Variants in CLIP2 observed in about 807,000 individuals in gnomAD.
The protein encoded by CLIP2 is CAP-Gly domain containing linker protein 2.
In CLIP2, 41 loss-of-function variants were observed where a neutral mutation model predicts 111.7. The ratio of observed to expected loss-of-function variants is 0.37; its 90% CI spans 0.29 to 0.48. The LOEUF is 0.48. CLIP2 is among the 20% of genes least tolerant of loss of function. CLIP2 has a pLI of 0.99. For synonymous variants in CLIP2, 660 were observed against 644.2 expected (o/e 1.02, Z -0.37); for missense variants, 1,160 against 1,422.1 (o/e 0.82, Z 2.96).
intron 16 of CLIP2, among the ~76,000 whole-genome samples, chr7:74,403,499 T>C (rs1244088679): frequency 6.6e-6 from 1 of 151,424 alleles, no homozygotes; most frequent in African/African-American, 2.4e-5. Flanking sequence ...AACCAGGGAG[T>C]CGAAGGTTGC....
chr7:74,302,611 T>C (rs782255171), intron 1 of CLIP2, among the ~76,000 whole-genome samples: 10 of 152,202 alleles, frequency 6.6e-5, no homozygotes, highest in Non-Finnish European at 1.5e-4. Flanking sequence ...CAGCTGCAGG[T>C]GCCAGAGAAG....
chr7:74,391,372 A>G (rs1267858795), intron 13 of CLIP2, among the ~76,000 whole-genome samples: 1 of 152,202 alleles, frequency 6.6e-6, no homozygotes, highest in Non-Finnish European at 1.5e-5. Context: ...TATTACAAAA[A>G]TAGTTTTGAG....
intron 1 of CLIP2, among the ~76,000 whole-genome samples, chr7:74,303,560 A>T (rs1788394727): frequency 6.7e-6 from 1 of 148,330 alleles, no homozygotes; most frequent in South Asian, 2.1e-4. Flanking sequence ...TGCAGTGGAG[A>T]TAATGTTTCC....
At chr7:74,308,318 T>G (rs1788550498) in intron 1 of CLIP2, among the ~76,000 whole-genome samples, 2 of 152,076 alleles carry the variant, frequency 1.3e-5, no homozygotes, top group East Asian at 3.9e-4. Context: ...TCAGAGGGGA[T>G]GCTGGCTGGT....
At position 74,376,592 on chromosome 7, in the gene CLIP2, C is replaced by T. The variant is rs782144848; in HGVS notation, c.2191C>T (p.Arg731Cys). ...AQDQRRDAEL[R>C]VHELEKLDVE... ...GGACCAGCGCCGGGATGCCGAGCTG[C>T]GTGTGCACGAGCTGGAAAAACTGGA... Residue 731 changes from arginine to cysteine, a missense_variant, in exon 10 of 17, where the codon CGT becomes TGT. By Grantham distance (180) the Arg-to-Cys change is radical (BLOSUM62 -3). Around this residue, in one of 5 missense-constraint regions of CLIP2, gnomAD observed 676 missense variants for 777.8 expected, o/e 0.87. Coordinates refer to ENST00000223398, the MANE Select transcript of CLIP2 (RefSeq NM_003388.5). This position sits in a 1 kb window ranked among gnomAD's most constrained non-coding sequence, Gnocchi z 7.1. 9 of 1,612,146 alleles carry T rather than the reference C, an allele frequency of 5.6e-6. No individual in the cohort carries two copies. Among genetic ancestry groups the T allele is most frequent in the African/African-American group, 5.3e-5 (4 of 74,914 alleles).
chr7:74,376,795 G>C lies in CLIP2; in HGVS notation c.2394G>C (p.Glu798Asp). The change falls in exon 10 of 17, where the codon GAG (glutamate) becomes GAC (aspartate). Residue 798 changes from glutamate to aspartate, a missense_variant. This residue lies in a region of CLIP2 where 676 missense variants were observed against 777.8 expected (regional missense o/e 0.87). Transcript: ENST00000223398. This position sits in a 1 kb window ranked among gnomAD's most constrained non-coding sequence, Gnocchi z 7.1. ...LVAENRLQAV[E>D]ALCSSQHTHM... ...CTGAGAACAGACTCCAGGCGGTCGA[G>C]GCCCTGTGCTCCTCCCAGCACACCC... The C allele has an allele frequency of 6.2e-7, 1 of 1,604,898 alleles. No individual in the cohort carries two copies. The highest frequency in any genetic ancestry group is 8.5e-7 in the Non-Finnish European group (1 of 1,176,518).
At chr7:74,397,549 C>A (rs540537110) in intron 14 of CLIP2, among the ~76,000 whole-genome samples, 1 of 152,018 alleles carries the variant, frequency 6.6e-6, no homozygotes, top group Non-Finnish European at 1.5e-5. Context: ...TAATCAACCA[C>A]AAGCCAGTTC....
chr7:74,313,690 A>C lies in CLIP2; in HGVS notation c.-67-3790A>C, dbSNP rs567745297. On this transcript the variant is annotated intron_variant, in intron 1 of 16. Coordinates refer to ENST00000223398, the MANE Select transcript of CLIP2 (RefSeq NM_003388.5). ...TGGCAGGCTCTCCCATGCGGTAACC[A>C]GGATGGCCCCTGCAGCTTCTGGCTT... Among the ~76,000 whole-genome samples the C allele has an allele frequency of 2.9e-5, 3 of 103,434 alleles. No homozygotes were observed. In the South Asian group the frequency reaches 9.3e-4, roughly 32 times the overall value. 67.9% of individuals were successfully genotyped at this position (103,434 alleles called of 152,430 possible).
intron 14 of CLIP2, among the ~76,000 whole-genome samples, chr7:74,398,960 C>T (rs1438402784): frequency 6.6e-6 from 1 of 152,240 alleles, no homozygotes; most frequent in Non-Finnish European, 1.5e-5. Context: ...GTGGCGGCCT[C>T]TGCCCCAGGG....
intron 2 of CLIP2, among the ~76,000 whole-genome samples, chr7:74,332,709 A>G (rs1366070824): frequency 6.6e-6 from 1 of 152,070 alleles, no homozygotes; most frequent in East Asian, 1.9e-4. Flanking sequence ...CCACACCCAC[A>G]TCATTCGAGG....
intron 3 of CLIP2, among the ~76,000 whole-genome samples, chr7:74,351,617 C>T (rs1169601222): frequency 1.3e-5 from 2 of 151,944 alleles, no homozygotes; most frequent in Non-Finnish European, 2.9e-5. Flanking sequence ...GGGCAGATCA[C>T]CTGAGGTCAG....
intron 13 of CLIP2, among the ~76,000 whole-genome samples, chr7:74,390,600 C>T (rs1243816113): frequency 1.3e-5 from 2 of 151,954 alleles, no homozygotes; most frequent in Non-Finnish European, 2.9e-5. Flanking sequence ...GGTGGCAAGT[C>T]GAGGCTGCAG....
chr7:74,387,022 C>CAA (rs35422612), intron 12 of CLIP2, among the ~76,000 whole-genome samples: 6 of 70,012 alleles, frequency 8.6e-5, no homozygotes, highest in African/African-American at 2.1e-4. Context: ...GACTCCATCT[C>CAA]AAAAAAAAAA....
At chr7:74,316,958 C>A (rs1554729217) in intron 1 of CLIP2, among the ~76,000 whole-genome samples, 1 of 152,070 alleles carries the variant, frequency 6.6e-6, no homozygotes, top group Non-Finnish European at 1.5e-5. Flanking sequence ...GAGCTCACTG[C>A]AGCCTCAAAC....
intron 6 of CLIP2, among the ~76,000 whole-genome samples, chr7:74,359,813 G>A (rs1790272303): frequency 6.6e-6 from 1 of 152,168 alleles, no homozygotes; most frequent in Non-Finnish European, 1.5e-5. Context: ...CCCCATCTGG[G>A]GTCTGGCTTG....
intron 1 of CLIP2, among the ~76,000 whole-genome samples, chr7:74,295,747 G>A (rs767901830): frequency 2.0e-5 from 3 of 152,166 alleles, no homozygotes; most frequent in Non-Finnish European, 2.9e-5. Context: ...GCTCACGCCT[G>A]TAATCCCAGC....
intron 1 of CLIP2, among the ~76,000 whole-genome samples, chr7:74,316,640 C>T (rs1788780810): frequency 6.6e-6 from 1 of 151,682 alleles, no homozygotes; most frequent in Non-Finnish European, 1.5e-5. Flanking sequence ...CGGCTTACTG[C>T]AACCACCGCC....
chr7:74,404,511 A>C lies in CLIP2; in HGVS notation c.*663A>C, dbSNP rs1791714375. The stretch of plus-strand genomic sequence containing the variant: ...GAACGGGATCCTTCTCCCGCTGCCC[A>C]CCAACACCAACACACACACACCTCT... On this transcript the variant is annotated 3_prime_UTR_variant, in exon 17 of 17. Transcript: ENST00000223398. The C allele has an allele frequency of 6.5e-6, 1 of 154,552 alleles. No individual in the cohort carries two copies. Among genetic ancestry groups the C allele is most frequent in the Non-Finnish European group, 1.4e-5 (1 of 69,386 alleles). The allele number at this position is 154,552 out of a possible 1,614,324, so 9.6% of individuals were successfully genotyped here.
rs574957421 is a variant in CLIP2, at chr7:74,307,860, G to A, written c.-67-9620G>A. 7.9e-5 allele frequency among the ~76,000 whole-genome samples: 12 copies of A among 152,214 alleles called. No homozygotes were observed. In the South Asian group the frequency reaches 2.1e-3, roughly 26 times the overall value. On this transcript the variant is annotated intron_variant, in intron 1 of 16. Transcript: ENST00000223398. ...AGGGCTGGAGGTTAATTTTGGGAGC[G>A]TTCCCTGGGAGTAGTGTTTCTGGGG...
Sources: allele counts gnomAD v4.1 joint callset (sites outside exome capture counted in the v4.1 genomes callset), GRCh38; gene constraint gnomAD v4.1.1; regional missense constraint gnomAD v4.1.1; non-coding constraint Gnocchi (gnomAD v3.1); transcripts MANE v1.5; gene names NCBI Gene and HGNC (gene_info 2026-07-23, HGNC 2026-07-21).